HACE1: variants seen among roughly 807,000 people sequenced by gnomAD.
The protein encoded by HACE1 is E3 ubiquitin-protein ligase HACE1.
A neutral mutation model predicts 118.4 loss-of-function variants in HACE1; 73 were observed. That is an observed-to-expected ratio of 0.62 (90% CI 0.51 to 0.75). HACE1 has a LOEUF of 0.75. Among genes scored for constraint, HACE1 ranks in the 30% least tolerant of loss-of-function variants. The pLI is 0.00. For missense variants in HACE1, 749 were observed against 1,102.2 expected (o/e 0.68, Z 4.54); for synonymous variants, 368 against 374.8 (o/e 0.98, Z 0.21).
intron 1 of HACE1, 42 bp downstream of exon 1, chr6:104,859,524 GC>G (rs1243589818): frequency 1.4e-6 from 2 of 1,416,338 alleles, no homozygotes; most frequent in African/African-American, 1.5e-5. Flanking sequence ...CCCACTGGCC[GC>G]CCCCAGCCCC....
intron 5 of HACE1, among the ~76,000 whole-genome samples, chr6:104,837,078 T>C (rs1774618320): frequency 6.6e-6 from 1 of 152,168 alleles, no homozygotes; most frequent in Non-Finnish European, 1.5e-5. Flanking sequence ...TCTCCCCAAA[T>C]TGACCTATCA....
Position 104,843,243 on chromosome 6 carries a change from T to C in HACE1, c.382A>G (p.Asn128Asp), listed in dbSNP as rs1296738653. The C allele has an allele frequency of 3.9e-6, 6 of 1,524,640 alleles. No homozygotes were observed. Among genetic ancestry groups the C allele is most frequent in the Non-Finnish European group, 5.5e-6 (6 of 1,098,682 alleles). The allele number at this position is 1,524,640 out of a possible 1,614,324, so 94.4% of individuals were successfully genotyped here. A position where few individuals can be genotyped will look rare whatever the true frequency, so the allele number is the denominator to read the frequency against. ...CTTACTGCTGTAAGGCCTTCATTATTACAAATGTTGACATCAGCGCTATAT... is the reference window on the plus strand; with the variant it reads ...CTTACTGCTGTAAGGCCTTCATTATCACAAATGTTGACATCAGCGCTATAT... The part of the protein sequence containing the change: ...LEYSADVNIC[N>D]NEGLTAIHWL... Residue 128 changes from asparagine to aspartate, a missense_variant, in exon 5 of 24, where the codon AAT (asparagine) becomes GAT (aspartate). Coordinates refer to ENST00000262903, the MANE Select transcript of HACE1 (RefSeq NM_020771.4).
intron 6 of HACE1, among the ~76,000 whole-genome samples, chr6:104,826,782 G>A (rs1039160115): frequency 2.0e-5 from 3 of 152,100 alleles, no homozygotes; most frequent in Middle Eastern, 3.4e-3. Flanking sequence ...AAACTGGATC[G>A]ACAAAACAGA....
intron 7 of HACE1, among the ~76,000 whole-genome samples, chr6:104,798,364 G>A (rs972424704): frequency 6.6e-6 from 1 of 151,658 alleles, no homozygotes; most frequent in African/African-American, 2.4e-5. Flanking sequence ...ACTGTATGAA[G>A]AATAATTTAA....
chr6:104,741,028 T>C (rs1343948600), intron 22 of HACE1, among the ~76,000 whole-genome samples: 2 of 132,252 alleles, frequency 1.5e-5, no homozygotes, highest in Non-Finnish European at 3.1e-5. Flanking sequence ...ATAAATGTAA[T>C]CCAGCACATA....
intron 19 of HACE1, 67 bp downstream of exon 19, chr6:104,771,126 A>T: frequency 8.9e-7 from 1 of 1,123,340 alleles, no homozygotes; most frequent in Non-Finnish European, 1.4e-6. Flanking sequence ...AGAAGAATTT[A>T]GAGTAACTAG....
intron 14 of HACE1, chr6:104,780,309 C>A (rs1262834600): frequency 1.1e-5 from 5 of 440,366 alleles, no homozygotes; most frequent in Non-Finnish European, 2.3e-5. Context: ...CAAACACCTA[C>A]ACAGCCAAAT....
Position 104,859,860 on chromosome 6 carries a change from T to A in HACE1, c.-218A>T. 2 of 499,090 alleles carry A rather than the reference T, an allele frequency of 4.0e-6. No individual in the cohort carries two copies. Among genetic ancestry groups the A allele is most frequent in the Non-Finnish European group, 7.0e-6 (2 of 284,422 alleles). 30.9% of individuals were successfully genotyped at this position (499,090 alleles called of 1,614,324 possible). A position where few individuals can be genotyped will look rare whatever the true frequency, so the allele number is the denominator to read the frequency against. ...CCTACAGTACACCCGCCGCCGCCTCTGCTCGCGCCTTTCCTGCAGCCCCCG... is the reference window on the plus strand; with the variant it reads ...CCTACAGTACACCCGCCGCCGCCTCAGCTCGCGCCTTTCCTGCAGCCCCCG... On this transcript the variant is annotated 5_prime_UTR_variant, in exon 1 of 24. Transcript: ENST00000262903.
intron 14 of HACE1, among the ~76,000 whole-genome samples, chr6:104,778,183 G>C (rs1181758137): frequency 6.6e-6 from 1 of 152,130 alleles, no homozygotes; most frequent in Non-Finnish European, 1.5e-5. Context: ...GAATAGCAAA[G>C]AGAGTCTCTC....
chr6:104,856,586 C>T (rs1174527522), intron 1 of HACE1, among the ~76,000 whole-genome samples: 1 of 152,118 alleles, frequency 6.6e-6, no homozygotes, highest in Admixed American at 6.5e-5. Flanking sequence ...AGGCACCCGC[C>T]ACCACATCCA....
At chr6:104,840,420 GAAC>G (rs1470152182) in intron 5 of HACE1, among the ~76,000 whole-genome samples, 1 of 152,118 alleles carries the variant, frequency 6.6e-6, no homozygotes, top group African/African-American at 2.4e-5. Context: ...CTGAAAAAGA[GAAC>G]AATAGCCTCA....
chr6:104,812,017 C>A (rs958398016), intron 6 of HACE1, among the ~76,000 whole-genome samples: 5 of 152,088 alleles, frequency 3.3e-5, no homozygotes, highest in African/African-American at 1.2e-4. Flanking sequence ...AAGCTCTACT[C>A]CTCTAATCAT....
At chr6:104,796,547 T>G in intron 9 of HACE1, 108 bp downstream of exon 9, 1 of 707,986 alleles carries the variant, frequency 1.4e-6, no homozygotes, top group Non-Finnish European at 2.6e-6. Context: ...ATTAAGATAT[T>G]TGTGACAATA....
Position 104,750,409 on chromosome 6 carries a change from C to T in HACE1, c.2275G>A (p.Ala759Thr). The change falls in exon 20 of 24, where the codon GCT (alanine) becomes ACT (threonine). Residue 759 changes from alanine (A) to threonine (T), a missense_variant. Ala to Thr is a moderately conservative substitution (Grantham distance 58). Coordinates refer to ENST00000262903, the MANE Select transcript of HACE1 (RefSeq NM_020771.4). ...MTRAIQPQIN[A>T]FLQGFHMFIP... is the part of the protein sequence containing the mutation. Reference sequence around the variant, plus strand: ...AACATATGAAAGCCCTGTAAAAAAGCATTGATCTGAGGCTGAATGGCTCTT... The same window carrying T: ...AACATATGAAAGCCCTGTAAAAAAGTATTGATCTGAGGCTGAATGGCTCTT... The T allele has an allele frequency of 1.9e-6, 3 of 1,613,092 alleles. No homozygotes were observed. Among genetic ancestry groups the T allele is most frequent in the Non-Finnish European group, 2.5e-6 (3 of 1,179,238 alleles).
intron 7 of HACE1, among the ~76,000 whole-genome samples, chr6:104,800,067 T>TGGCTCAGCGGGTCCCATGCCC (rs1770141584): frequency 6.6e-6 from 1 of 151,952 alleles, no homozygotes; most frequent in Non-Finnish European, 1.5e-5. Flanking sequence ...ATCCCGTGCC[T>TGGCTCAGCGGGTCCCATGCCC]GGCTCAGCGG....
chr6:104,762,010 C>A (rs1779412468), intron 19 of HACE1, among the ~76,000 whole-genome samples: 1 of 152,182 alleles, frequency 6.6e-6, no homozygotes, highest in Non-Finnish European at 1.5e-5. Flanking sequence ...TACTGTCTCA[C>A]ACCATTTAGA....
intron 1 of HACE1, 170 bp downstream of exon 1, chr6:104,859,397 C>A: frequency 1.8e-6 from 1 of 554,916 alleles, no homozygotes; most frequent in South Asian, 2.3e-5. Context: ...GTGGGAGCGT[C>A]GGGCCAGGGG....
At chr6:104,746,486 G>A (rs184111750) in intron 20 of HACE1, among the ~76,000 whole-genome samples, 27 of 152,324 alleles carry the variant, frequency 1.8e-4, no homozygotes, top group Non-Finnish European at 3.5e-4. Flanking sequence ...CTGGAGGTGA[G>A]GGTACTCTCT....
At chr6:104,787,740 T>C (rs1470680544) in intron 11 of HACE1, among the ~76,000 whole-genome samples, 2 of 151,868 alleles carry the variant, frequency 1.3e-5, no homozygotes, top group African/African-American at 4.8e-5. Flanking sequence ...ATATTGACAA[T>C]GTGTAAAAAA....
Sources: allele counts gnomAD v4.1 joint callset (sites outside exome capture counted in the v4.1 genomes callset), GRCh38; gene constraint gnomAD v4.1.1; transcripts MANE v1.5; gene names NCBI Gene and HGNC (gene_info 2026-07-23, HGNC 2026-07-21).